The following PCIF1 variants were observed in gnomAD, a reference collection of about 807,000 sequenced individuals.
PCIF1 encodes phosphorylated CTD interacting factor 1, also known as mRNA (2'-O-methyladenosine-N(6)-)-methyltransferase.
PCIF1 carries 12 observed loss-of-function variants against 86.9 expected under a neutral mutation model. That is an observed-to-expected ratio of 0.14 (90% CI 0.09 to 0.22). The LOEUF (loss-of-function observed/expected upper bound fraction) is 0.22, where lower values mean the gene tolerates loss of function less well. PCIF1 is among the 10% of genes least tolerant of loss of function. The pLI is 1.00. For missense variants in PCIF1, 701 were observed against 951.1 expected (o/e 0.74, Z 3.46); for synonymous variants, 397 against 372.0 (o/e 1.07, Z -0.77).
In PCIF1 at chr20:45,944,930, C is replaced by T. The variant is rs757161782; in HGVS notation, c.1068C>T (p.Ser356=). ...GPHVSAAAKD[S]VEGICSKIYH... The stretch of plus-strand genomic sequence containing the variant: ...ACGTCTCGGCCGCAGCCAAGGACTC[C>T]GTGGAAGGCATCTGCAGTAAGATCT... The change falls in exon 11 of 17, where the codon TCC becomes TCT. Residue 356 remains serine (S), a synonymous_variant. Coordinates refer to ENST00000372409, the MANE Select transcript of PCIF1 (RefSeq NM_022104.4). The T allele has an allele frequency of 3.1e-6, 5 of 1,614,118 alleles. No individual in the cohort carries two copies. The highest frequency in any genetic ancestry group is 1.3e-5 in the African/African-American group (1 of 75,062).
At chr20:45,939,434 C>T in intron 4 of PCIF1, 95 bp downstream of exon 4, 1 of 1,543,294 alleles carries the variant, frequency 6.5e-7, no homozygotes, top group Non-Finnish European at 8.8e-7. Flanking sequence ...GTGCCCAGCC[C>T]TGTGCTGGCA....
At chr20:45,942,530 G>T (rs1341757194) in intron 7 of PCIF1, among the ~76,000 whole-genome samples, 1 of 150,962 alleles carries the variant, frequency 6.6e-6, no homozygotes, top group Non-Finnish European at 1.5e-5. Flanking sequence ...GGCAAGGCTG[G>T]TCTCTAACTC....
Position 45,947,919 on chromosome 20 carries a change from TC to T in PCIF1, c.*166del. On this transcript the variant is annotated 3_prime_UTR_variant, in exon 17 of 17. Coordinates refer to ENST00000372409, the MANE Select transcript of PCIF1 (RefSeq NM_022104.4). The surrounding 1 kb of genome is among the most constrained non-coding windows in gnomAD (Gnocchi z 5.4). ...CCCCAAGTCCTCACCTCAAACTCCC[TC>T]CAAGTCCCATGTATATAGGTCCTGA... The T allele has an allele frequency of 6.5e-7, 1 of 1,533,634 alleles. No homozygotes were observed. Among genetic ancestry groups the T allele is most frequent in the Non-Finnish European group, 8.7e-7 (1 of 1,146,264 alleles).
intron 4 of PCIF1, among the ~76,000 whole-genome samples, chr20:45,940,054 G>A (rs2083456700): frequency 6.6e-6 from 1 of 152,258 alleles, no homozygotes; most frequent in Non-Finnish European, 1.5e-5. Flanking sequence ...TTCTCTCAGT[G>A]TTACCAAGAG....
Position 45,939,060 on chromosome 20 carries a change from G to A in PCIF1, c.61G>A (p.Gly21Ser). ...EEASLLSHSP[G>S]TSNQSQPCSP... is the part of the protein sequence containing the mutation. ...AGCGTCCCTGCTGAGTCACTCCCCA[G>A]GTACCTCCAATCAGAGCCAGCCCTG... The change falls in exon 3 of 17, where the codon GGT becomes AGT. Residue 21 changes from glycine to serine, a missense_variant. Physicochemically the swap from Gly to Ser is moderately conservative, Grantham distance 56. Around this residue, in one of 7 missense-constraint regions of PCIF1, gnomAD observed 60 missense variants for 58.6 expected, o/e 1.02. Transcript: ENST00000372409. 1 of 1,614,058 alleles carries A rather than the reference G, an allele frequency of 6.2e-7. No homozygotes were observed. The highest frequency in any genetic ancestry group is 8.5e-7 in the Non-Finnish European group (1 of 1,179,980).
chr20:45,942,922 T>C (rs1487180804), intron 7 of PCIF1, among the ~76,000 whole-genome samples, 175 bp from the exon 8 acceptor site: 1 of 152,064 alleles, frequency 6.6e-6, no homozygotes, highest in Non-Finnish European at 1.5e-5. Flanking sequence ...TAGATACTTA[T>C]CAACACTATA....
chr20:45,947,176 C>T lies in PCIF1; in HGVS notation c.1707+10C>T. The T allele has an allele frequency of 6.2e-7, 1 of 1,610,516 alleles. No individual in the cohort carries two copies. The highest frequency in any genetic ancestry group is 8.5e-7 in the Non-Finnish European group (1 of 1,177,278). On this transcript the variant is annotated intron_variant, in intron 15 of 16. Transcript: ENST00000372409. This position sits in a 1 kb window ranked among gnomAD's most constrained non-coding sequence, Gnocchi z 5.4. ...GGTCTCTCACTTTGAGGTGGGTGCA[C>T]TGCCAGGGTGAGAGGTGGGCAACAG...
intron 1 of PCIF1, among the ~76,000 whole-genome samples, chr20:45,936,186 T>A (rs1014678973): frequency 6.6e-6 from 1 of 152,056 alleles, no homozygotes; most frequent in Non-Finnish European, 1.5e-5. Flanking sequence ...TTTTATTTAT[T>A]TATTTTGAGA....
rs780147892 is a variant in PCIF1, at chr20:45,944,858, T to C, written c.1006-10T>C. The stretch of plus-strand genomic sequence containing the variant: ...TCCACTAGCGCCCTGATCCAGAATG[T>C]GTCCTCTAGGATCGCCTGGAGCATC... On this transcript the variant is annotated splice_polypyrimidine_tract_variant and intron_variant, in intron 10 of 16. Coordinates refer to ENST00000372409, the MANE Select transcript of PCIF1 (RefSeq NM_022104.4). 1.9e-6 allele frequency: 3 copies of C among 1,609,296 alleles called. No homozygotes were observed. The highest frequency in any genetic ancestry group is 1.7e-5 in the Admixed American group (1 of 59,908).
intron 2 of PCIF1, among the ~76,000 whole-genome samples, chr20:45,938,382 C>T (rs545516741): frequency 2.6e-5 from 4 of 152,332 alleles, no homozygotes; most frequent in African/African-American, 9.6e-5. Context: ...TGGATGAGAG[C>T]AGTAAAATCC....
intron 10 of PCIF1, 95 bp from the exon 11 acceptor site, chr20:45,944,773 G>A: frequency 4.4e-6 from 6 of 1,365,894 alleles, no homozygotes; most frequent in Non-Finnish European, 5.9e-6. Context: ...TTCAAAACAA[G>A]GACTGCTGGA....
At position 45,945,829 on chromosome 20, in the gene PCIF1, C is replaced by T. The variant is rs114666492; in HGVS notation, c.1287C>T (p.Cys429=). The change falls in exon 12 of 17, where the codon TGC becomes TGT. Residue 429 remains cysteine, a synonymous_variant. Coordinates refer to ENST00000372409, the MANE Select transcript of PCIF1 (RefSeq NM_022104.4). ...TGCACATGGAGAACAACGTGGTCTG[C>T]ATCCGGTATAAGGGAGAGATGGTCA... ...VEMHMENNVV[C]IRYKGEMVKV... 6.2e-6 allele frequency: 10 copies of T among 1,613,874 alleles called. No homozygotes were observed. Among genetic ancestry groups the T allele is most frequent in the African/African-American group, 1.3e-5 (1 of 75,058 alleles).
intron 4 of PCIF1, 88 bp from the exon 5 acceptor site, chr20:45,940,387 G>A: frequency 6.9e-7 from 1 of 1,438,876 alleles, no homozygotes; most frequent in East Asian, 2.5e-5. Context: ...AGGAGTAGGA[G>A]CAGGGGTGGG....
intron 7 of PCIF1, among the ~76,000 whole-genome samples, 171 bp downstream of exon 7, chr20:45,941,378 G>A (rs2145328646): frequency 6.6e-6 from 1 of 152,274 alleles, no homozygotes; most frequent in Non-Finnish European, 1.5e-5. Flanking sequence ...AAAAACAAGA[G>A]TATCTATACC....
intron 7 of PCIF1, among the ~76,000 whole-genome samples, chr20:45,942,643 C>T (rs1007876319): frequency 3.3e-5 from 5 of 151,710 alleles, no homozygotes; most frequent in African/African-American, 1.2e-4. Flanking sequence ...GAAACAAGGT[C>T]TCGCTCTGTC....
At position 45,945,718 on chromosome 20, in the gene PCIF1, G is replaced by A. The variant is rs1300990895; in HGVS notation, c.1176G>A (p.Val392=). ...ILKENNISEE[V]EAPEVEPRLV... is the part of the protein sequence containing the mutation. ...TGCTCTCCCTGCCCACAGAGGAGGTGGAGGCCCCTGAGGTGGAGCCCCGCC... is the reference window on the plus strand; with the variant it reads ...TGCTCTCCCTGCCCACAGAGGAGGTAGAGGCCCCTGAGGTGGAGCCCCGCC... The change falls in exon 12 of 17, where the codon GTG becomes GTA. Residue 392 remains valine, a synonymous_variant. Transcript: ENST00000372409. 1 of 1,612,728 alleles carries A rather than the reference G, an allele frequency of 6.2e-7. No individual in the cohort carries two copies. Among genetic ancestry groups the A allele is most frequent in the Admixed American group, 1.7e-5 (1 of 60,012 alleles).
rs1432631075 is a variant in PCIF1, at chr20:45,947,383, A to C, written c.1828A>C (p.Ile610Leu). The C allele has an allele frequency of 6.2e-7, 1 of 1,613,980 alleles. No homozygotes were observed. Among genetic ancestry groups the C allele is most frequent in the East Asian group, 2.2e-5 (1 of 44,854 alleles). Residue 610 changes from isoleucine to leucine, a missense_variant, in exon 16 of 17, where the codon ATC becomes CTC. By Grantham distance (5) the Ile-to-Leu change is conservative (BLOSUM62 2). This residue lies in a region of PCIF1 where 174 missense variants were observed against 206.9 expected (regional missense o/e 0.84). Transcript: ENST00000372409. The surrounding 1 kb of genome is among the most constrained non-coding windows in gnomAD (Gnocchi z 5.4). ...EQSRFKRHQL[I>L]LPAFEHEYRS... ...GAGCCGCTTCAAACGCCACCAGTTG[A>C]TCCTGCCTGCCTTTGAGCATGAGTA...
Position 45,939,490 on chromosome 20 carries a change from A to G in PCIF1, c.249+151A>G, listed in dbSNP as rs1434859135. The G allele has an allele frequency of 5.2e-6, 6 of 1,148,872 alleles. No homozygotes were observed. The East Asian group carries it at 1.5e-4, about 29-fold the overall frequency. 71.2% of individuals were successfully genotyped at this position (1,148,872 alleles called of 1,614,324 possible). A position where few individuals can be genotyped will look rare whatever the true frequency, so the allele number is the denominator to read the frequency against. On this transcript the variant is annotated intron_variant, in intron 4 of 16. Transcript: ENST00000372409. ...CAAGACAGACACAGCCCCTGCCCTC[A>G]TGGAACCTACACTCAAATGGGGTAG...
In PCIF1 at chr20:45,946,365, G is replaced by A. The variant is rs535909417; in HGVS notation, c.1594G>A (p.Gly532Ser). Residue 532 changes from glycine (G) to serine (S), a missense_variant, in exon 14 of 17, where the codon GGC becomes AGC. This residue lies in a region of PCIF1 where 61 missense variants were observed against 118.5 expected (regional missense o/e 0.51). Coordinates refer to ENST00000372409, the MANE Select transcript of PCIF1 (RefSeq NM_022104.4). Reference protein sequence around the residue: ...QYCSAFPDTDGYFGSRGPCLD... With the variant: ...QYCSAFPDTDSYFGSRGPCLD... Reference sequence around the variant, plus strand: ...CTGTTCTGCCTTCCCCGACACAGACGGCTACTTTGGCTCCCGCGGGTGAGG... The same window carrying A: ...CTGTTCTGCCTTCCCCGACACAGACAGCTACTTTGGCTCCCGCGGGTGAGG... 9.9e-6 allele frequency: 16 copies of A among 1,613,556 alleles called. No individual in the cohort carries two copies. Among genetic ancestry groups the A allele is most frequent in the Admixed American group, 8.3e-5 (5 of 60,024 alleles).
Sources: gnomAD v4.1 joint callset for allele counts (sites outside exome capture counted in the v4.1 genomes callset) on GRCh38, gnomAD v4.1.1 for gene constraint, gnomAD v4.1.1 regional missense constraint, Gnocchi (gnomAD v3.1) non-coding constraint, MANE v1.5 for transcripts, NCBI Gene and HGNC (gene_info 2026-07-23, HGNC 2026-07-21) for gene names.